Variants in NAV3 observed in about 807,000 individuals in gnomAD.
NAV3 encodes the protein pore membrane and/or filament interacting like protein 1.
In NAV3, 87 loss-of-function variants were observed where a neutral mutation model predicts 244.7. The ratio of observed to expected loss-of-function variants is 0.36; its 90% CI spans 0.30 to 0.42. The LOEUF (loss-of-function observed/expected upper bound fraction) is 0.42, where lower values mean the gene tolerates loss of function less well. Among genes scored for constraint, NAV3 ranks in the 20% least tolerant of loss-of-function variants. The pLI is 1.00. For synonymous variants in NAV3, 1,126 were observed against 1,042.2 expected, an observed-to-expected ratio of 1.08 and a Z score of -1.55; for missense variants, 2,663 against 2,893.3, an observed-to-expected ratio of 0.92 and a Z score of 1.83.
rs965389376 is a variant in NAV3 at position 78,177,677 on chromosome 12, T to C, written c.5355T>C (p.His1785=). The C allele has an allele frequency of 1.9e-6, 3 of 1,597,260 alleles. No individual in the cohort carries two copies. In the Admixed American group the frequency reaches 5.0e-5, roughly 27 times the overall value. The change falls in exon 28 of 40, where the codon CAT becomes CAC. Residue 1785 remains histidine, a synonymous_variant. Transcript: ENST00000397909. ...KRQNGPVIYK[H]RSRICECTEA... is the part of the protein sequence containing the mutation. The stretch of plus-strand genomic sequence containing the variant: ...AAAATGGCCCTGTGATCTACAAGCA[T>C]AGATCTCGGTAAAGTGGAGTGCGAT...
intron 3 of NAV3, 110 bp from the exon 4 acceptor site, chr12:77,966,119 A>C: frequency 1.1e-6 from 1 of 929,248 alleles, no homozygotes; most frequent in South Asian, 1.4e-5. Flanking sequence ...CTAGTATGAA[A>C]TGAATGTAAA....
chr12:78,017,116 T>G (rs1475119074), intron 8 of NAV3, among the ~76,000 whole-genome samples: 1 of 152,176 alleles, frequency 6.6e-6, no homozygotes, highest in Non-Finnish European at 1.5e-5. Flanking sequence ...TCTTAATTTC[T>G]TTATCTGCAG....
chr12:77,787,113 C>T (rs1156659351), intron 2 of NAV3, among the ~76,000 whole-genome samples: 1 of 152,026 alleles, frequency 6.6e-6, no homozygotes, highest in Non-Finnish European at 1.5e-5. Context: ...TCTTATGTGG[C>T]TCACCTGTCC....
chr12:78,049,572 G>T (rs772618663), intron 9 of NAV3, among the ~76,000 whole-genome samples: 1 of 152,090 alleles, frequency 6.6e-6, no homozygotes, highest in Admixed American at 6.5e-5. Flanking sequence ...AGATGAGCCT[G>T]GTACCTCAGT....
Position 77,857,006 on chromosome 12 carries a change from C to T in NAV3, c.243+25302C>T, listed in dbSNP as rs560683453. On this transcript the variant is annotated intron_variant, in intron 1 of 39. Transcript: ENST00000397909. Reference sequence around the variant, plus strand: ...TTTTATGGCTTTGCATTGAATAAATCTGTTACTTTTAACATCAAATGCATT... The same window carrying T: ...TTTTATGGCTTTGCATTGAATAAATTTGTTACTTTTAACATCAAATGCATT... Among the ~76,000 whole-genome samples, 20 of 152,160 alleles carry T rather than the reference C, an allele frequency of 1.3e-4. No individual in the cohort carries two copies. The South Asian group carries it at 2.1e-3, about 16-fold the overall frequency.
At chr12:78,157,928 G>A (rs1213054130) in intron 22 of NAV3, among the ~76,000 whole-genome samples, 1 of 152,020 alleles carries the variant, frequency 6.6e-6, no homozygotes, top group Admixed American at 6.6e-5. Flanking sequence ...TGCAGTGTCA[G>A]GTAAAGAAAG....
Position 77,846,050 on chromosome 12 carries a change from A to T in NAV3, c.243+14346A>T, listed in dbSNP as rs551343659. ...CATAAAGATTACTGATCTCTGAGTC[A>T]TATCTCCAATTCCGGATGAACGAAG... On this transcript the variant is annotated intron_variant, in intron 1 of 39. Coordinates refer to ENST00000397909, the MANE Select transcript of NAV3 (RefSeq NM_001024383.2). Among the ~76,000 whole-genome samples, 22 of 152,334 alleles carry T rather than the reference A, an allele frequency of 1.4e-4. 1 individual carries two copies. The South Asian group carries it at 3.7e-3, about 26-fold the overall frequency.
chr12:78,101,930 A>C (rs1380479695), intron 12 of NAV3, among the ~76,000 whole-genome samples: 1 of 152,218 alleles, frequency 6.6e-6, no homozygotes, highest in Non-Finnish European at 1.5e-5. Flanking sequence ...AATATTTAAA[A>C]AGTATATCTC....
intron 2 of NAV3, among the ~76,000 whole-genome samples, chr12:77,746,922 C>A (rs536361138): frequency 1.1e-4 from 16 of 152,090 alleles, no homozygotes; most frequent in Admixed American, 9.8e-4. Flanking sequence ...TATTAAAATG[C>A]AAAGAAAAAT....
At position 78,180,878 on chromosome 12, in the gene NAV3, T is replaced by C; in HGVS notation, c.5525T>C (p.Ile1842Thr). The change falls in exon 30 of 40, where the codon ATT (isoleucine) becomes ACT (threonine). Residue 1842 changes from isoleucine (I) to threonine (T), a missense_variant. Around this residue, in one of 6 missense-constraint regions of NAV3, gnomAD observed 543 missense variants for 672.4 expected, o/e 0.81. Coordinates refer to ENST00000397909, the MANE Select transcript of NAV3 (RefSeq NM_001024383.2). ...TTTCCATCTTCATAACAGAATGAAA[T>C]TGAAATACTGAAAGCTGAAAATGAC... ...REAMNRMQNE[I>T]EILKAENDRL... The C allele has an allele frequency of 6.2e-7, 1 of 1,611,500 alleles. No individual in the cohort carries two copies. Among genetic ancestry groups the C allele is most frequent in the Non-Finnish European group, 8.5e-7 (1 of 1,178,732 alleles).
chr12:78,152,752 A>G (rs180875573), intron 22 of NAV3, among the ~76,000 whole-genome samples: 1 of 152,026 alleles, frequency 6.6e-6, no homozygotes, highest in Non-Finnish European at 1.5e-5. Context: ...TTACTTATTT[A>G]TAGGATATTT....
At chr12:77,631,065 A>G (rs950405332) in intron 2 of NAV3, among the ~76,000 whole-genome samples, 1 of 152,200 alleles carries the variant, frequency 6.6e-6, no homozygotes, top group Non-Finnish European at 1.5e-5. Context: ...CCCCCAAACA[A>G]CAGGGTGATT....
chr12:78,051,251 G>T, intron 11 of NAV3, 104 bp downstream of exon 11: 1 of 1,280,370 alleles, frequency 7.8e-7, no homozygotes, highest in South Asian at 1.4e-5. Context: ...AAAGTCATGA[G>T]AACATATGAG....
At chr12:77,930,794 A>C (rs1888708816) in intron 1 of NAV3, among the ~76,000 whole-genome samples, 1 of 152,136 alleles carries the variant, frequency 6.6e-6, no homozygotes, top group African/African-American at 2.4e-5. Flanking sequence ...TATTATCCCA[A>C]CTGTTGGAAA....
chr12:78,168,824 G>T lies in NAV3; in HGVS notation c.4939G>T (p.Ala1647Ser), dbSNP rs1476578129. ...LKAQNSAAQA[A>S]IQGALNGPDH... is the part of the protein sequence containing the mutation. Reference sequence around the variant, plus strand: ...GGCTCAGAATTCTGCTGCCCAGGCGGCTATTCAGGGAGCACTGAATGGTCC... The same window carrying T: ...GGCTCAGAATTCTGCTGCCCAGGCGTCTATTCAGGGAGCACTGAATGGTCC... Residue 1647 changes from alanine to serine, a missense_variant, in exon 24 of 40, where the codon GCT (alanine) becomes TCT (serine). Physicochemically the swap from Ala to Ser is moderately conservative, Grantham distance 99 (BLOSUM62 1). Transcript: ENST00000397909. 1 of 1,610,620 alleles carries T rather than the reference G, an allele frequency of 6.2e-7. No homozygotes were observed. Among genetic ancestry groups the T allele is most frequent in the African/African-American group, 1.3e-5 (1 of 74,756 alleles).
In NAV3 at chr12:78,021,812, T is replaced by A; in HGVS notation, c.1973T>A (p.Met658Lys). 6.2e-7 allele frequency: 1 copy of A among 1,611,586 alleles called. No individual in the cohort carries two copies. The highest frequency in any genetic ancestry group is 1.1e-5 in the South Asian group (1 of 90,950). The stretch of plus-strand genomic sequence containing the variant: ...GACTCCTGTACCAGTCCTACAAAGA[T>A]GGACTTATCATATAGTAAGACTGCT... ...SADSCTSPTK[M>K]DLSYSKTAKQ... The change falls in exon 9 of 40, where the codon ATG becomes AAG. Residue 658 changes from methionine to lysine, a missense_variant. By Grantham distance (95) the Met-to-Lys change is moderately conservative. Around this residue, in one of 6 missense-constraint regions of NAV3, gnomAD observed 1,521 missense variants for 1,497.0 expected, o/e 1.02. Transcript: ENST00000397909.
intron 2 of NAV3, among the ~76,000 whole-genome samples, chr12:77,777,853 T>C (rs1460484945): frequency 2.0e-5 from 3 of 151,830 alleles, no homozygotes; most frequent in Non-Finnish European, 4.4e-5. Flanking sequence ...GTCACCAGGC[T>C]GGAGTGCAGT....
At chr12:77,775,253 A>G (rs534115018) in intron 2 of NAV3, among the ~76,000 whole-genome samples, 60 of 152,110 alleles carry the variant, frequency 3.9e-4, no homozygotes, top group Non-Finnish European at 7.6e-4. Flanking sequence ...TTAGCCAGGC[A>G]TGGTGGTTCA....
chr12:78,184,682 T>C (rs143449771), intron 30 of NAV3, among the ~76,000 whole-genome samples: 2 of 151,950 alleles, frequency 1.3e-5, no homozygotes, highest in East Asian at 3.9e-4. Flanking sequence ...ATTTCTATGA[T>C]GCTATAGTCG....
Sources: allele counts gnomAD v4.1 joint callset (sites outside exome capture counted in the v4.1 genomes callset), GRCh38; gene constraint gnomAD v4.1.1; regional missense constraint gnomAD v4.1.1; transcripts MANE v1.5; gene names NCBI Gene and HGNC (gene_info 2026-07-23, HGNC 2026-07-21).